Variants in CDKAL1 observed in about 807,000 individuals in gnomAD.
CDKAL1 encodes threonylcarbamoyladenosine tRNA methylthiotransferase.
In CDKAL1, 32 loss-of-function variants were observed where a neutral mutation model predicts 68.2. That is an observed-to-expected ratio of 0.47 (90% CI 0.35 to 0.63). CDKAL1 has a LOEUF of 0.63. Ranked by LOEUF, CDKAL1 falls within the 30% of genes least tolerant of loss-of-function variation. The pLI, the probability that CDKAL1 is intolerant of heterozygous loss-of-function variation, is 0.00. For synonymous variants in CDKAL1, 234 were observed against 244.3 expected (o/e 0.96, Z 0.39); for missense variants, 606 against 696.7 (o/e 0.87, Z 1.47).
chr6:20,729,374 G>A (rs1772801866), intron 5 of CDKAL1, among the ~76,000 whole-genome samples: 1 of 151,946 alleles, frequency 6.6e-6, no homozygotes, highest in Admixed American at 6.6e-5. Context: ...TTTTCTTAAT[G>A]TCTTATCCAA....
At chr6:20,925,589 A>G (rs1202229396) in intron 9 of CDKAL1, among the ~76,000 whole-genome samples, 1 of 152,190 alleles carries the variant, frequency 6.6e-6, no homozygotes, top group Non-Finnish European at 1.5e-5. Context: ...CTGATAATTT[A>G]GGGAATTTAG....
chr6:21,156,264 T>A (rs551064138), intron 13 of CDKAL1, among the ~76,000 whole-genome samples: 3 of 151,658 alleles, frequency 2.0e-5, no homozygotes, highest in African/African-American at 7.3e-5. Context: ...CTATAAAAAA[T>A]TTTTAAAAAA....
At chr6:20,716,096 C>CTT (rs1228949423) in intron 5 of CDKAL1, among the ~76,000 whole-genome samples, 3 of 152,158 alleles carry the variant, frequency 2.0e-5, no homozygotes, top group Non-Finnish European at 4.4e-5. Context: ...TTATTTGGCA[C>CTT]TTGCAGTAAG....
At chr6:20,921,570 A>G (rs1276231495) in intron 9 of CDKAL1, among the ~76,000 whole-genome samples, 5 of 152,200 alleles carry the variant, frequency 3.3e-5, no homozygotes, top group African/African-American at 9.7e-5. Context: ...AGGAATTTTA[A>G]TAGTTACCTA....
chr6:20,807,158 G>C (rs1776605502), intron 8 of CDKAL1, among the ~76,000 whole-genome samples: 1 of 152,108 alleles, frequency 6.6e-6, no homozygotes, highest in South Asian at 2.1e-4. Flanking sequence ...ACAGCAGTTT[G>C]GTGGTTTAGT....
chr6:20,937,822 A>G (rs1043026072), intron 9 of CDKAL1, among the ~76,000 whole-genome samples: 1 of 150,776 alleles, frequency 6.6e-6, no homozygotes, highest in Non-Finnish European at 1.5e-5. Flanking sequence ...TTTTTATTAC[A>G]TAGTTAAGGT....
intron 4 of CDKAL1, among the ~76,000 whole-genome samples, chr6:20,643,095 A>G (rs1474718093): frequency 6.6e-6 from 1 of 152,208 alleles, no homozygotes; most frequent in Non-Finnish European, 1.5e-5. Context: ...AGAGGTTACG[A>G]GCACTCTAAG....
chr6:20,674,570 C>T (rs1420198330), intron 5 of CDKAL1, among the ~76,000 whole-genome samples: 1 of 152,132 alleles, frequency 6.6e-6, no homozygotes, highest in East Asian at 1.9e-4. Flanking sequence ...AAACATTTAT[C>T]ATTTCTTTGG....
intron 13 of CDKAL1, among the ~76,000 whole-genome samples, chr6:21,171,683 A>G (rs1404998596): frequency 5.9e-5 from 9 of 152,130 alleles, no homozygotes; most frequent in African/African-American, 2.2e-4. Flanking sequence ...AGTATAAATT[A>G]CTCCATAATA....
Position 21,223,898 on chromosome 6 carries a change from G to A in CDKAL1, c.1549-6950G>A, listed in dbSNP as rs189653122. ...AAAAGGCCTTAGCAGAGGCTCGGCCGTGGAGGTTTGCTGTCCTCTTCCCCC... is the reference window on the plus strand; with the variant it reads ...AAAAGGCCTTAGCAGAGGCTCGGCCATGGAGGTTTGCTGTCCTCTTCCCCC... On this transcript the variant is annotated intron_variant, in intron 15 of 15. Transcript: ENST00000274695. 1.1e-3 allele frequency among the ~76,000 whole-genome samples: 173 copies of A among 152,304 alleles called. 1 individual carries two copies. Among genetic ancestry groups the A allele is most frequent in the Middle Eastern group, 6.8e-3 (2 of 294 alleles).
intron 4 of CDKAL1, among the ~76,000 whole-genome samples, chr6:20,603,768 A>ATTTTTTTTTTTTTTTTTTT (rs745786047): frequency 9.4e-5 from 8 of 85,218 alleles, no homozygotes; most frequent in African/African-American, 3.3e-4. Flanking sequence ...CAGTTGCTAA[A>ATTTTTTTTTTTTTTTTTTT]TTTTTTTTTT....
chr6:20,667,105 A>G (rs1413910157), intron 5 of CDKAL1, among the ~76,000 whole-genome samples: 1 of 152,202 alleles, frequency 6.6e-6, no homozygotes, highest in Non-Finnish European at 1.5e-5. Flanking sequence ...CCTTGAAATA[A>G]ATATACTTGT....
chr6:20,763,925 G>C (rs1475679385), intron 7 of CDKAL1, among the ~76,000 whole-genome samples: 2 of 152,096 alleles, frequency 1.3e-5, no homozygotes, highest in Admixed American at 1.3e-4. Flanking sequence ...AATGAATTTA[G>C]GATTTTTTTC....
At chr6:20,792,419 C>T (rs1360957305) in intron 8 of CDKAL1, among the ~76,000 whole-genome samples, 1 of 152,024 alleles carries the variant, frequency 6.6e-6, no homozygotes, top group African/African-American at 2.4e-5. Flanking sequence ...TTAGGTTAAC[C>T]TTAAAGTAAG....
intron 13 of CDKAL1, among the ~76,000 whole-genome samples, chr6:21,133,017 G>A (rs1295237029): frequency 6.6e-6 from 1 of 151,946 alleles, no homozygotes; most frequent in Non-Finnish European, 1.5e-5. Context: ...AACATCTTTC[G>A]GCAGCCTTTC....
At chr6:20,633,172 T>A (rs1767749706) in intron 4 of CDKAL1, among the ~76,000 whole-genome samples, 1 of 152,180 alleles carries the variant, frequency 6.6e-6, no homozygotes, top group Non-Finnish European at 1.5e-5. Flanking sequence ...ACACTCCACA[T>A]CCTTTAGCTG....
intron 10 of CDKAL1, among the ~76,000 whole-genome samples, chr6:20,980,292 C>T (rs969077860): frequency 3.3e-5 from 5 of 152,110 alleles, no homozygotes; most frequent in African/African-American, 1.2e-4. Context: ...GGCTGGAGTG[C>T]AGTGGCGCGA....
chr6:21,160,187 G>A (rs370628514), intron 13 of CDKAL1, among the ~76,000 whole-genome samples: 28 of 152,258 alleles, frequency 1.8e-4, no homozygotes, highest in East Asian at 5.8e-4. Context: ...GAAAGTTTCC[G>A]TGGAAGAATC....
At chr6:20,612,920 T>C (rs7771052) in intron 4 of CDKAL1, among the ~76,000 whole-genome samples, 22,314 of 150,502 alleles carry the variant, frequency 0.15, 2,406 homozygotes, top group African/African-American at 0.3. Flanking sequence ...ATACAGTAAG[T>C]AATAAGACTC....
Sources: gnomAD v4.1 joint callset for allele counts (sites outside exome capture counted in the v4.1 genomes callset) on GRCh38, gnomAD v4.1.1 for gene constraint, MANE v1.5 for transcripts, NCBI Gene and HGNC (gene_info 2026-07-23, HGNC 2026-07-21) for gene names.